KCNH7: variants seen among roughly 807,000 people sequenced by gnomAD.
KCNH7 encodes potassium voltage-gated channel subfamily H member 7.
In KCNH7, 49 loss-of-function variants were observed where a neutral mutation model predicts 120.8. That is an observed-to-expected ratio of 0.41 (90% confidence interval 0.32 to 0.51). The LOEUF (loss-of-function observed/expected upper bound fraction) is 0.51, where lower values mean the gene tolerates loss of function less well. Among genes scored for constraint, KCNH7 ranks in the 20% least tolerant of loss-of-function variants. The pLI is 0.38. For synonymous variants in KCNH7, 547 were observed against 516.1 expected (o/e 1.06, Z -0.81); for missense variants, 1,097 against 1,446.6 (o/e 0.76, Z 3.92).
At chr2:162,459,713 C>T (rs1184451823) in intron 6 of KCNH7, among the ~76,000 whole-genome samples, 7 of 152,110 alleles carry the variant, frequency 4.6e-5, no homozygotes, top group Non-Finnish European at 8.8e-5. Context: ...ACCAATAAAG[C>T]CACATCCATA....
Position 162,456,554 on chromosome 2 carries a change from A to C in KCNH7, c.1129-10111T>G, listed in dbSNP as rs1688970271. Among the ~76,000 whole-genome samples, 6 of 152,020 alleles carry C rather than the reference A, an allele frequency of 3.9e-5. No individual in the cohort carries two copies. In the South Asian group the frequency reaches 1.2e-3, roughly 32 times the overall value. ...ATCCACAGCTGAGTTCAAGTCTTGA[A>C]TATCCTTGTTAATTTTGTGTCTCGA... On this transcript the variant is annotated intron_variant, in intron 6 of 15. Coordinates refer to ENST00000332142, the MANE Select transcript of KCNH7 (RefSeq NM_033272.4).
intron 11 of KCNH7, among the ~76,000 whole-genome samples, chr2:162,396,286 G>C (rs1686910391): frequency 6.6e-6 from 1 of 151,664 alleles, no homozygotes; most frequent in Non-Finnish European, 1.5e-5. Context: ...GTATTAAATA[G>C]GAAACTAAAC....
intron 2 of KCNH7, among the ~76,000 whole-genome samples, chr2:162,626,765 T>C (rs1308622193): frequency 2.0e-5 from 3 of 152,116 alleles, no homozygotes; most frequent in Admixed American, 2.0e-4. Context: ...AATTAATAAC[T>C]GAGCCTGTAT....
At chr2:162,708,736 G>GC (rs1196088212) in intron 2 of KCNH7, among the ~76,000 whole-genome samples, 1 of 152,018 alleles carries the variant, frequency 6.6e-6, no homozygotes, top group African/African-American at 2.4e-5. Flanking sequence ...TATATAATGT[G>GC]CATCTGTAAA....
intron 2 of KCNH7, among the ~76,000 whole-genome samples, chr2:162,706,891 A>C (rs1686722934): frequency 6.6e-6 from 1 of 152,132 alleles, no homozygotes; most frequent in South Asian, 2.1e-4. Context: ...ATTTATTACA[A>C]CGTGTGTAAC....
At chr2:162,623,212 C>A (rs1683425424) in intron 2 of KCNH7, among the ~76,000 whole-genome samples, 1 of 152,156 alleles carries the variant, frequency 6.6e-6, no homozygotes, top group African/African-American at 2.4e-5. Flanking sequence ...TCTTCCTGTA[C>A]CTCTGGGTTT....
intron 7 of KCNH7, among the ~76,000 whole-genome samples, chr2:162,439,759 G>A (rs1688362675): frequency 6.6e-6 from 1 of 151,830 alleles, no homozygotes; most frequent in African/African-American, 2.4e-5. Context: ...AGCCCTAGAT[G>A]CCTTCTTATA....
chr2:162,548,053 T>C lies in KCNH7; in HGVS notation c.308-10973A>G, dbSNP rs114806235. Among the ~76,000 whole-genome samples the C allele has an allele frequency of 1.9e-3, 296 of 152,342 alleles. 1 individual carries two copies. Among genetic ancestry groups the C allele is most frequent in the African/African-American group, 6.8e-3 (281 of 41,586 alleles). ...TAGCCCTCTCCTCTTCTCACAAAAG[T>C]TCATATTCTGTTGGACTATTTTAAC... On this transcript the variant is annotated intron_variant, in intron 2 of 15. Transcript: ENST00000332142.
At chr2:162,716,295 T>G (rs753440520) in intron 2 of KCNH7, among the ~76,000 whole-genome samples, 11 of 152,164 alleles carry the variant, frequency 7.2e-5, no homozygotes, top group Non-Finnish European at 1.5e-4. Context: ...AAAATTAATG[T>G]TCTAAGTTTT....
chr2:162,559,054 C>CAAAAAAAAAAAAAAAAAAAAAAACAAAA (rs780823559), intron 2 of KCNH7, among the ~76,000 whole-genome samples: 1 of 37,180 alleles, frequency 2.7e-5, no homozygotes, highest in Non-Finnish European at 5.6e-5. Flanking sequence ...GACTCTGCCT[C>CAAAAAAAAAAAAAAAAAAAAAAACAAAA]AAAAAAAAAA....
intron 2 of KCNH7, among the ~76,000 whole-genome samples, chr2:162,563,005 T>C (rs887460759): frequency 1.3e-5 from 2 of 152,150 alleles, no homozygotes; most frequent in African/African-American, 4.8e-5. Flanking sequence ...TCAAACCATC[T>C]CTTAGCTGAC....
intron 12 of KCNH7, among the ~76,000 whole-genome samples, chr2:162,389,693 G>A (rs1026408240): frequency 1.1e-4 from 16 of 152,074 alleles, no homozygotes; most frequent in African/African-American, 2.6e-4. Flanking sequence ...TATTTGAGGC[G>A]TTTCCACGCA....
intron 2 of KCNH7, among the ~76,000 whole-genome samples, chr2:162,817,334 T>C (rs994256839): frequency 2.6e-5 from 4 of 152,158 alleles, no homozygotes; most frequent in Admixed American, 6.5e-5. Flanking sequence ...CATTCTTTTG[T>C]TTCTGGCATT....
intron 2 of KCNH7, among the ~76,000 whole-genome samples, chr2:162,658,280 T>C (rs763647483): frequency 5.9e-5 from 9 of 152,130 alleles, no homozygotes; most frequent in Non-Finnish European, 8.8e-5. Flanking sequence ...TTTTTGCTCC[T>C]TTGTTAAAGG....
chr2:162,736,681 G>A (rs1687922918), intron 2 of KCNH7, among the ~76,000 whole-genome samples: 1 of 152,100 alleles, frequency 6.6e-6, no homozygotes, highest in African/African-American at 2.4e-5. Flanking sequence ...AAGGACAAAT[G>A]GGTGTTGGAC....
intron 2 of KCNH7, among the ~76,000 whole-genome samples, chr2:162,587,893 A>G (rs2105927813): frequency 6.6e-6 from 1 of 152,234 alleles, no homozygotes; most frequent in South Asian, 2.1e-4. Flanking sequence ...GAGTCAGTAT[A>G]TATAAGAATA....
At chr2:162,418,868 TTGACTGGC>T (rs1687614234) in intron 9 of KCNH7, among the ~76,000 whole-genome samples, 1 of 152,184 alleles carries the variant, frequency 6.6e-6, no homozygotes, top group Admixed American at 6.5e-5. Context: ...TGTTCCACTT[TTGACTGGC>T]TTTGTTCATA....
chr2:162,755,618 T>C (rs769809079), intron 2 of KCNH7, among the ~76,000 whole-genome samples: 2 of 152,204 alleles, frequency 1.3e-5, no homozygotes, highest in Non-Finnish European at 2.9e-5. Context: ...TTTAAAGATG[T>C]TCACATTGAA....
intron 6 of KCNH7, among the ~76,000 whole-genome samples, chr2:162,501,304 A>G (rs1351929891): frequency 9.2e-5 from 14 of 152,090 alleles, no homozygotes; most frequent in Non-Finnish European, 7.4e-5. Flanking sequence ...GTAAAAAAAG[A>G]GAGAACTTTT....
Sources: gnomAD v4.1 joint callset for allele counts (sites outside exome capture counted in the v4.1 genomes callset) on GRCh38, gnomAD v4.1.1 for gene constraint, MANE v1.5 for transcripts, NCBI Gene and HGNC (gene_info 2026-07-23, HGNC 2026-07-21) for gene names.